The following BRMS1L variants were observed in gnomAD, a reference collection of about 807,000 sequenced individuals.
BRMS1L encodes breast cancer metastasis-suppressor 1-like protein.
In BRMS1L, 23 loss-of-function variants were observed where a neutral mutation model predicts 50.3. The observed-to-expected ratio is 0.46, with a 90% CI of 0.33 to 0.65. BRMS1L has a LOEUF of 0.65. Ranked by LOEUF, BRMS1L falls within the 30% of genes least tolerant of loss-of-function variation. The probability of loss-of-function intolerance (pLI) is 0.02; values close to 1 mark genes in which losing one functional copy is unlikely to be tolerated. For missense variants in BRMS1L, 286 were observed against 386.1 expected (o/e 0.74, Z 2.17); for synonymous variants, 114 against 126.9 (o/e 0.90, Z 0.69).
At chr14:35,856,896 G>T (rs561177425) in intron 4 of BRMS1L, among the ~76,000 whole-genome samples, 1 of 152,034 alleles carries the variant, frequency 6.6e-6, no homozygotes. Flanking sequence ...AAACTAGCTA[G>T]TATGATTTTG....
At chr14:35,841,998 C>CTTTTTTTTTTTTTT (rs574267347) in intron 4 of BRMS1L, among the ~76,000 whole-genome samples, 1 of 112,218 alleles carries the variant, frequency 8.9e-6, no homozygotes, top group African/African-American at 3.5e-5. Flanking sequence ...GCAATCTCTG[C>CTTTTTTTTTTTTTT]TTTTTTTTTT....
At chr14:35,841,553 T>G (rs1398228802) in intron 4 of BRMS1L, among the ~76,000 whole-genome samples, 1 of 152,176 alleles carries the variant, frequency 6.6e-6, no homozygotes, top group Non-Finnish European at 1.5e-5. Context: ...CGCCTTGGCC[T>G]CCCAAACTGC....
intron 4 of BRMS1L, among the ~76,000 whole-genome samples, chr14:35,842,332 A>G (rs557676091): frequency 1.3e-5 from 2 of 152,106 alleles, no homozygotes; most frequent in African/African-American, 2.4e-5. Context: ...TCCTTTTCAT[A>G]TTTAGTGCTT....
At position 35,866,190 on chromosome 14, in the gene BRMS1L, C is replaced by T. The variant is rs550738301; in HGVS notation, c.727+429C>T. The T allele has an allele frequency of 8.3e-5, 13 of 156,738 alleles. No individual in the cohort carries two copies. In the South Asian group the frequency reaches 2.0e-3, roughly 24 times the overall value. The allele number at this position is 156,738 out of a possible 1,614,324, so 9.7% of individuals were successfully genotyped here. On this transcript the variant is annotated intron_variant, in intron 8 of 9. Transcript: ENST00000216807. ...CCTTAGTAAAATTCATATCAAGTTA[C>T]ACTTCCTTGATTTTTTTTTTGGAAG...
At chr14:35,827,613 A>G (rs186951315) in intron 1 of BRMS1L, among the ~76,000 whole-genome samples, 1 of 152,330 alleles carries the variant, frequency 6.6e-6, no homozygotes, top group East Asian at 1.9e-4. Context: ...CAGCCATCCA[A>G]AAATATTTAT....
rs546598441 is a variant in BRMS1L at position 35,834,760 on chromosome 14, A to G, written c.362-84A>G. The G allele has an allele frequency of 1.5e-4, 138 of 919,186 alleles. No homozygotes were observed. In the African/African-American group the frequency reaches 2.1e-3, roughly 14 times the overall value. The allele number at this position is 919,186 out of a possible 1,614,324, so 56.9% of individuals were successfully genotyped here. Reference sequence around the variant, plus strand: ...TTTTTCTTGATCCATCTTATTAAATACAGTGAGGACAGAATTCCTGTAGGG... The same window carrying G: ...TTTTTCTTGATCCATCTTATTAAATGCAGTGAGGACAGAATTCCTGTAGGG... On this transcript the variant is annotated intron_variant, in intron 3 of 9. Coordinates refer to ENST00000216807, the MANE Select transcript of BRMS1L (RefSeq NM_032352.4).
At chr14:35,865,565 A>G (rs1332490618) in intron 7 of BRMS1L, among the ~76,000 whole-genome samples, 157 bp from the exon 8 acceptor site, 1 of 152,142 alleles carries the variant, frequency 6.6e-6, no homozygotes, top group African/African-American at 2.4e-5. Flanking sequence ...TTATGGTCTT[A>G]GACATTAAAA....
At chr14:35,836,055 A>G (rs528928667) in intron 4 of BRMS1L, among the ~76,000 whole-genome samples, 2 of 152,354 alleles carry the variant, frequency 1.3e-5, no homozygotes, top group Non-Finnish European at 2.9e-5. Context: ...TTTCATAATT[A>G]CAACTGAGAT....
chr14:35,832,483 G>C (rs1238014358), intron 2 of BRMS1L, among the ~76,000 whole-genome samples: 1 of 149,180 alleles, frequency 6.7e-6, no homozygotes, highest in African/African-American at 2.5e-5. Flanking sequence ...TCCAGCCTGG[G>C]TGACGGAGCG....
intron 7 of BRMS1L, 25 bp from the exon 8 acceptor site, chr14:35,865,697 C>G: frequency 6.9e-7 from 1 of 1,455,672 alleles, no homozygotes; most frequent in Non-Finnish European, 9.4e-7. Context: ...TTCTTTCTTC[C>G]TCTTTTTTTT....
At chr14:35,837,917 A>C (rs1475537787) in intron 4 of BRMS1L, among the ~76,000 whole-genome samples, 1 of 152,206 alleles carries the variant, frequency 6.6e-6, no homozygotes, top group South Asian at 2.1e-4. Context: ...ATACGTGTGC[A>C]GAATGTGCAG....
intron 4 of BRMS1L, among the ~76,000 whole-genome samples, chr14:35,837,267 G>T (rs2078007400): frequency 6.6e-6 from 1 of 151,372 alleles, no homozygotes. Context: ...AAAAAAAAAA[G>T]AAAAAGTATG....
intron 4 of BRMS1L, among the ~76,000 whole-genome samples, chr14:35,843,886 A>G (rs2078098226): frequency 1.3e-5 from 2 of 152,232 alleles, no homozygotes; most frequent in African/African-American, 4.8e-5. Flanking sequence ...TGCCCTGCCC[A>G]GAGAGGAGGA....
At chr14:35,837,255 C>CA (rs1292627703) in intron 4 of BRMS1L, among the ~76,000 whole-genome samples, 238 of 127,534 alleles carry the variant, frequency 1.9e-3, no homozygotes, top group African/African-American at 4.8e-3. Context: ...AACTCCGGCT[C>CA]AAAAAAAAAA....
chr14:35,862,611 G>C lies in BRMS1L; in HGVS notation c.463G>C (p.Asp155His). 6.2e-7 allele frequency: 1 copy of C among 1,605,062 alleles called. No individual in the cohort carries two copies. Among genetic ancestry groups the C allele is most frequent in the Non-Finnish European group, 8.5e-7 (1 of 1,175,448 alleles). ...HCESEKLLLY[D>H]TVQSELEEKI... Reference sequence around the variant, plus strand: ...CCAGAGCGAAAAGCTGTTGCTATATGATACAGTCCAGAGTGAACTAGAGGA... The same window carrying C: ...CCAGAGCGAAAAGCTGTTGCTATATCATACAGTCCAGAGTGAACTAGAGGA... Residue 155 changes from aspartate (D) to histidine (H), a missense_variant, in exon 5 of 10, where the codon GAT (aspartate) becomes CAT (histidine). By Grantham distance (81) the Asp-to-His change is moderately conservative (BLOSUM62 -1). Transcript: ENST00000216807.
chr14:35,862,695 AATG>A lies in BRMS1L; in HGVS notation c.538+12_538+14del, dbSNP rs765669397. 7 of 1,594,916 alleles carry A rather than the reference AATG, an allele frequency of 4.4e-6. No individual in the cohort carries two copies. Among genetic ancestry groups the A allele is most frequent in the Non-Finnish European group, 6.0e-6 (7 of 1,166,614 alleles). On this transcript the variant is annotated intron_variant, in intron 5 of 9. Transcript: ENST00000216807. Reference sequence around the variant, plus strand: ...CATTGATATTACCTCAGGTAAGGAGAATGATATGATTGTGATGTTTGAGTGGCA... The same window carrying A: ...CATTGATATTACCTCAGGTAAGGAGAATATGATTGTGATGTTTGAGTGGCA...
intron 4 of BRMS1L, among the ~76,000 whole-genome samples, chr14:35,837,166 A>T (rs1487604850): frequency 1.3e-5 from 2 of 152,042 alleles, no homozygotes; most frequent in Non-Finnish European, 2.9e-5. Flanking sequence ...GAGACAGGAG[A>T]ATTGCTTGAA....
rs1185344658 is a variant in BRMS1L at position 35,833,034 on chromosome 14, G to T, written c.290G>T (p.Gly97Val). 1 of 1,613,404 alleles carries T rather than the reference G, an allele frequency of 6.2e-7. No homozygotes were observed. The highest frequency in any genetic ancestry group is 1.3e-5 in the African/African-American group (1 of 74,902). The change falls in exon 3 of 10, where the codon GGA becomes GTA. Residue 97 changes from glycine to valine, a missense_variant. Gly to Val is a moderately radical substitution (Grantham distance 109, BLOSUM62 -3). Around this residue, in one of 5 missense-constraint regions of BRMS1L, gnomAD observed 160 missense variants for 240.6 expected, o/e 0.66. Transcript: ENST00000216807. ...VDAKLQEVIA[G>V]KAPEYLEPLA... is the part of the protein sequence containing the mutation. ...GCAAAACTACAAGAAGTCATAGCTG[G>T]AAAAGCACCAGAATACTTGGAACCG...
chr14:35,846,867 C>T (rs2078141811), intron 4 of BRMS1L, among the ~76,000 whole-genome samples: 1 of 152,020 alleles, frequency 6.6e-6, no homozygotes, highest in South Asian at 2.1e-4. Context: ...TAAATATGGA[C>T]TCCTTTTTTA....
Sources: allele counts gnomAD v4.1 joint callset (sites outside exome capture counted in the v4.1 genomes callset), GRCh38; gene constraint gnomAD v4.1.1; regional missense constraint gnomAD v4.1.1; transcripts MANE v1.5; gene names NCBI Gene and HGNC (gene_info 2026-07-23, HGNC 2026-07-21).